Variants in PIK3R4 observed in about 807,000 individuals in gnomAD.
PIK3R4 encodes the protein phosphoinositide 3-kinase regulatory subunit 4.
PIK3R4 carries 46 observed loss-of-function variants against 136.5 expected under a neutral mutation model. The observed-to-expected ratio is 0.34, with a 90% confidence interval of 0.27 to 0.43. The LOEUF (loss-of-function observed/expected upper bound fraction) is 0.43, where lower values mean the gene tolerates loss of function less well. Among genes scored for constraint, PIK3R4 ranks in the 20% least tolerant of loss-of-function variants. The pLI, the probability that PIK3R4 is intolerant of heterozygous loss-of-function variation, is 1.00. For missense variants in PIK3R4, 1,331 were observed against 1,649.5 expected, an observed-to-expected ratio of 0.81 and a Z score of 3.35; for synonymous variants, 557 against 566.7, an observed-to-expected ratio of 0.98 and a Z score of 0.24.
intron 9 of PIK3R4, among the ~76,000 whole-genome samples, chr3:130,711,924 A>G (rs17692691): frequency 0.21 from 31,317 of 152,236 alleles, 3,489 homozygotes; most frequent in South Asian, 0.36. Flanking sequence ...AATCTGTCAA[A>G]AAGTGCAAAA....
chr3:130,715,424 T>C (rs2066659177), intron 9 of PIK3R4, among the ~76,000 whole-genome samples: 1 of 152,114 alleles, frequency 6.6e-6, no homozygotes, highest in Admixed American at 6.5e-5. Context: ...GCACCCGGCC[T>C]GTTTCCTGAC....
In PIK3R4 at chr3:130,745,207, C is replaced by T; in HGVS notation, c.12G>A (p.Gln4=). 1 of 1,598,118 alleles carries T rather than the reference C, an allele frequency of 6.3e-7. No homozygotes were observed. Among genetic ancestry groups the T allele is most frequent in the Non-Finnish European group, 8.5e-7 (1 of 1,176,634 alleles). Residue 4 remains glutamine (Q), a synonymous_variant, in exon 2 of 20, where the codon CAG becomes CAA. Coordinates refer to ENST00000356763, the MANE Select transcript of PIK3R4 (RefSeq NM_014602.3). ...TCTGGGAGGGAGCAATGCCAGCAAGCTGATTTCCCATAATGGCAAGCACCT... is the reference window on the plus strand; with the variant it reads ...TCTGGGAGGGAGCAATGCCAGCAAGTTGATTTCCCATAATGGCAAGCACCT... The part of the protein sequence containing the change: MGN[Q]LAGIAPSQIL...
At chr3:130,731,313 C>G (rs963021042) in intron 4 of PIK3R4, among the ~76,000 whole-genome samples, 1 of 152,112 alleles carries the variant, frequency 6.6e-6, no homozygotes, top group Non-Finnish European at 1.5e-5. Flanking sequence ...CTTACTTTTT[C>G]CTTGCTTTCC....
chr3:130,740,528 A>T (rs892888990), intron 2 of PIK3R4, among the ~76,000 whole-genome samples: 1 of 152,134 alleles, frequency 6.6e-6, no homozygotes, highest in African/African-American at 2.4e-5. Context: ...ACTTGAGGCC[A>T]GAAGTTTAAG....
chr3:130,727,517 C>T (rs1412843858), intron 6 of PIK3R4, among the ~76,000 whole-genome samples: 2 of 139,460 alleles, frequency 1.4e-5, no homozygotes, highest in Non-Finnish European at 3.0e-5. Context: ...GCCACGGCGC[C>T]CGGCCCTTAA....
At position 130,686,182 on chromosome 3, in the gene PIK3R4, C is replaced by G; in HGVS notation, c.3475+29G>C. Reference sequence around the variant, plus strand: ...TTGCAGGCATTAGTGGCATTCAAAACCCAGCCAATGACTTGAAAGTTAGCT... The same window carrying G: ...TTGCAGGCATTAGTGGCATTCAAAAGCCAGCCAATGACTTGAAAGTTAGCT... On this transcript the variant is annotated intron_variant, in intron 15 of 19. Coordinates refer to ENST00000356763, the MANE Select transcript of PIK3R4 (RefSeq NM_014602.3). 4 of 1,474,960 alleles carry G rather than the reference C, an allele frequency of 2.7e-6. No individual in the cohort carries two copies. The East Asian group carries it at 9.0e-5, about 33-fold the overall frequency. The allele number at this position is 1,474,960 out of a possible 1,614,324, so 91.4% of individuals were successfully genotyped here.
At chr3:130,700,007 T>C (rs2066566756) in intron 13 of PIK3R4, among the ~76,000 whole-genome samples, 1 of 152,048 alleles carries the variant, frequency 6.6e-6, no homozygotes, top group Admixed American at 6.6e-5. Flanking sequence ...CATTATGAGG[T>C]TTTCATGCTA....
intron 14 of PIK3R4, among the ~76,000 whole-genome samples, chr3:130,689,404 C>G (rs1049517097): frequency 6.6e-6 from 1 of 152,188 alleles, no homozygotes; most frequent in Non-Finnish European, 1.5e-5. Context: ...CAGACATCAT[C>G]TGCGGAAACA....
chr3:130,712,933 T>A (rs1320244794), intron 9 of PIK3R4, among the ~76,000 whole-genome samples: 4 of 152,198 alleles, frequency 2.6e-5, no homozygotes, highest in African/African-American at 9.6e-5. Context: ...CAGCACAGTG[T>A]AGGAGTGTAG....
Position 130,733,935 on chromosome 3 carries a change from G to C in PIK3R4, c.1063C>G (p.His355Asp). The C allele has an allele frequency of 6.2e-7, 1 of 1,614,098 alleles. No individual in the cohort carries two copies. The highest frequency in any genetic ancestry group is 8.5e-7 in the Non-Finnish European group (1 of 1,180,000). The stretch of plus-strand genomic sequence containing the variant: ...GGCAGATCATGTCCACAGAGATTGT[G>C]AATAATGTTGCCCAAATCCTTCCGT... ...VIRKDLGNIIHNLCGHDLPEK... is the reference protein window; with the variant it reads ...VIRKDLGNIIDNLCGHDLPEK... The change falls in exon 4 of 20, where the codon CAC becomes GAC. Residue 355 changes from histidine to aspartate, a missense_variant. Coordinates refer to ENST00000356763, the MANE Select transcript of PIK3R4 (RefSeq NM_014602.3).
chr3:130,736,128 T>G (rs2066784537), intron 2 of PIK3R4, 126 bp from the exon 3 acceptor site: 1 of 602,600 alleles, frequency 1.7e-6, no homozygotes, highest in Admixed American at 3.5e-5. Context: ...ATTAAAAATT[T>G]TAATGCAACA....
intron 6 of PIK3R4, 119 bp from the exon 7 acceptor site, chr3:130,723,706 AT>A: frequency 1.3e-6 from 1 of 764,154 alleles, no homozygotes; most frequent in South Asian, 2.1e-5. Flanking sequence ...AGGAAAGAAC[AT>A]TGCACTTCCT....
At chr3:130,694,610 T>C (rs958372770) in intron 13 of PIK3R4, among the ~76,000 whole-genome samples, 1 of 152,122 alleles carries the variant, frequency 6.6e-6, no homozygotes, top group Non-Finnish European at 1.5e-5. Flanking sequence ...CAAGTGATTT[T>C]TATATATTCA....
chr3:130,699,457 T>C (rs1293664616), intron 13 of PIK3R4, among the ~76,000 whole-genome samples: 1 of 152,194 alleles, frequency 6.6e-6, no homozygotes, highest in Non-Finnish European at 1.5e-5. Context: ...TTTTCATAAC[T>C]ACCATAGTTG....
intron 8 of PIK3R4, 75 bp downstream of exon 8, chr3:130,718,314 T>C: frequency 2.4e-6 from 3 of 1,246,508 alleles, no homozygotes; most frequent in South Asian, 1.4e-5. Flanking sequence ...TTAAGAAAAA[T>C]AGGACTCTCT....
At chr3:130,697,068 T>TC (rs1221402946) in intron 13 of PIK3R4, among the ~76,000 whole-genome samples, 4 of 96,238 alleles carry the variant, frequency 4.2e-5, no homozygotes, top group Non-Finnish European at 8.6e-5. Context: ...TCCAGCTTTT[T>TC]TTTTTTTTTT....
At chr3:130,718,272 T>C (rs532693538) in intron 8 of PIK3R4, 117 bp downstream of exon 8, 4 of 836,784 alleles carry the variant, frequency 4.8e-6, no homozygotes, top group Non-Finnish European at 5.7e-6. Flanking sequence ...AATATAAACA[T>C]GCTATAGCCC....
chr3:130,702,638 C>G (rs2066581409), intron 13 of PIK3R4, among the ~76,000 whole-genome samples: 1 of 152,008 alleles, frequency 6.6e-6, no homozygotes, highest in South Asian at 2.1e-4. Context: ...TCAGACCAAA[C>G]TAGGCAAAGA....
chr3:130,710,287 T>C lies in PIK3R4; in HGVS notation c.2332-1795A>G, dbSNP rs150116260. Among the ~76,000 whole-genome samples, 94 of 152,130 alleles carry C rather than the reference T, an allele frequency of 6.2e-4. 3 individuals are homozygous for C. Among genetic ancestry groups the C allele is most frequent in the Admixed American group, 6.0e-3 (92 of 15,286 alleles). ...TCAAATATCCAGGGAATAAAGCAAG[T>C]TTAAAATATGAAAAATCAATCAACA... is the stretch of plus-strand genomic sequence containing the variant. On this transcript the variant is annotated intron_variant, in intron 9 of 19. Transcript: ENST00000356763.
Sources: allele counts gnomAD v4.1 joint callset (sites outside exome capture counted in the v4.1 genomes callset), GRCh38; gene constraint gnomAD v4.1.1; transcripts MANE v1.5; gene names NCBI Gene and HGNC (gene_info 2026-07-23, HGNC 2026-07-21).